Variants in ANKRD11 observed in about 807,000 individuals in gnomAD.
ANKRD11 encodes the protein ankyrin repeat domain-containing protein 11.
Under a neutral mutation model 195.7 loss-of-function variants are expected in ANKRD11, and 17 were observed. That is an observed-to-expected ratio of 0.09 (90% CI 0.06 to 0.13). The LOEUF (loss-of-function observed/expected upper bound fraction) is 0.13. Ranked by LOEUF, ANKRD11 falls within the 10% of genes least tolerant of loss-of-function variation. ANKRD11 has a pLI of 1.00. For synonymous variants in ANKRD11, 1,953 were observed against 1,528.1 expected (o/e 1.28, Z -6.49); for missense variants, 3,735 against 3,566.1 (o/e 1.05, Z -1.21).
At chr16:89,473,689 A>G (rs934079081) in intron 1 of ANKRD11, among the ~76,000 whole-genome samples, 12 of 152,172 alleles carry the variant, frequency 7.9e-5, no homozygotes, top group African/African-American at 2.9e-4. Flanking sequence ...AGAGACTGAC[A>G]TGTCAGTATC....
intron 2 of ANKRD11, among the ~76,000 whole-genome samples, chr16:89,345,743 ACACACCAGGTGCATGCTGTG>A (rs898893336): frequency 2.0e-5 from 3 of 152,160 alleles, no homozygotes; most frequent in Admixed American, 2.0e-4. Context: ...TTCAGAAAAT[ACACACCAGGTGCATGCTGTG>A]CACACCAGGT....
chr16:89,450,966 TA>T (rs2044043464), intron 1 of ANKRD11, among the ~76,000 whole-genome samples: 1 of 152,206 alleles, frequency 6.6e-6, no homozygotes, highest in South Asian at 2.1e-4. Context: ...AGTTATGGCC[TA>T]AATCAGAGGT....
intron 1 of ANKRD11, among the ~76,000 whole-genome samples, chr16:89,423,983 G>A (rs898949632): frequency 3.9e-5 from 6 of 152,066 alleles, no homozygotes; most frequent in Non-Finnish European, 7.4e-5. Flanking sequence ...AGGGGACGGC[G>A]TACAACGGGA....
intron 2 of ANKRD11, among the ~76,000 whole-genome samples, chr16:89,369,263 G>A (rs765664465): frequency 1.9e-4 from 29 of 152,376 alleles, no homozygotes; most frequent in Non-Finnish European, 4.0e-4. Context: ...ACCTAGGTAC[G>A]CCCGAGAAAT....
intron 2 of ANKRD11, among the ~76,000 whole-genome samples, chr16:89,355,073 T>C (rs991550658): frequency 2.0e-5 from 3 of 152,124 alleles, no homozygotes; most frequent in African/African-American, 7.2e-5. Context: ...TCTAAAAACA[T>C]CAGAAAAAGT....
In ANKRD11 at chr16:89,341,925, G is replaced by A. The variant is rs867193662; in HGVS notation, c.-59-24847C>T. Among the ~76,000 whole-genome samples, 263 of 144,844 alleles carry A rather than the reference G, an allele frequency of 1.8e-3. 1 individual carries two copies. The highest frequency in any genetic ancestry group is 6.8e-3 in the African/African-American group (245 of 35,794). ...ACCCACAGCGGCCACGGCCCACGGC[G>A]GGAGTGCTGCACCTCCTCCACGAAC... On this transcript the variant is annotated intron_variant, in intron 2 of 12. Coordinates refer to ENST00000301030, the MANE Select transcript of ANKRD11 (RefSeq NM_013275.6).
At position 89,282,061 on chromosome 16, in the gene ANKRD11, C is replaced by T. The variant is rs2034296338; in HGVS notation, c.4481G>A (p.Arg1494Gln). 4.3e-6 allele frequency: 7 copies of T among 1,612,118 alleles called. No homozygotes were observed. The highest frequency in any genetic ancestry group is 2.2e-5 in the East Asian group (1 of 44,864). Residue 1494 changes from arginine (R) to glutamine (Q), a missense_variant, in exon 9 of 13, where the codon CGG becomes CAG. Arg to Gln is a conservative substitution (Grantham distance 43). Transcript: ENST00000301030. The part of the protein sequence containing the change: ...LLRHHRDELL[R>Q]HHRDEQKPAT... ...GGGCTTCTGCTCGTCCCTGTGATGCCGCAGGAGCTCGTCCCTGTGATGCCG... is the reference window on the plus strand; with the variant it reads ...GGGCTTCTGCTCGTCCCTGTGATGCTGCAGGAGCTCGTCCCTGTGATGCCG...
chr16:89,489,522 C>G (rs1029607103), intron 1 of ANKRD11, among the ~76,000 whole-genome samples: 1 of 151,586 alleles, frequency 6.6e-6, no homozygotes, highest in Admixed American at 6.6e-5. Flanking sequence ...GTTCGCCCTC[C>G]CCCTCCGGCT....
chr16:89,317,884 C>T (rs1175486657), intron 2 of ANKRD11, among the ~76,000 whole-genome samples: 1 of 152,194 alleles, frequency 6.6e-6, no homozygotes, highest in East Asian at 1.9e-4. Context: ...CCCATGCAAC[C>T]CAATCACCTT....
chr16:89,479,448 C>T (rs552821054), intron 1 of ANKRD11, among the ~76,000 whole-genome samples: 2 of 150,828 alleles, frequency 1.3e-5, no homozygotes, highest in South Asian at 4.2e-4. Context: ...GCCTGACCAA[C>T]ACGGAGAAAC....
chr16:89,278,487 G>C (rs1375507315), intron 9 of ANKRD11: 1 of 455,318 alleles, frequency 2.2e-6, no homozygotes, highest in Non-Finnish European at 4.4e-6. Context: ...TTTCACCTGA[G>C]CCTGCAGAGG....
intron 1 of ANKRD11, 156 bp from the exon 2 acceptor site, chr16:89,418,524 C>T (rs2042389729): frequency 4.0e-6 from 1 of 252,720 alleles, no homozygotes; most frequent in Non-Finnish European, 8.2e-6. Context: ...GTGCCAAGGC[C>T]AAAACTTAAC....
Position 89,282,509 on chromosome 16 carries a change from T to C in ANKRD11, c.4033A>G (p.Lys1345Glu). 1 of 1,614,112 alleles carries C rather than the reference T, an allele frequency of 6.2e-7. No individual in the cohort carries two copies. The highest frequency in any genetic ancestry group is 8.5e-7 in the Non-Finnish European group (1 of 1,179,990). Residue 1345 changes from lysine to glutamate, a missense_variant, in exon 9 of 13, where the codon AAA becomes GAA. By Grantham distance (56) the Lys-to-Glu change is moderately conservative. Transcript: ENST00000301030. ...GAGTGTCTGTGCCTCTCCTTCTCTTTCAGCTTCTCAGGGAGGCAGGCGCTC... is the reference window on the plus strand; with the variant it reads ...GAGTGTCTGTGCCTCTCCTTCTCTTCCAGCTTCTCAGGGAGGCAGGCGCTC... ...RESACLPEKLKEKERHRHSSS... is the reference protein window; with the variant it reads ...RESACLPEKLEEKERHRHSSS...
intron 2 of ANKRD11, among the ~76,000 whole-genome samples, chr16:89,349,043 G>A (rs1047813596): frequency 3.7e-4 from 54 of 144,022 alleles, no homozygotes; most frequent in African/African-American, 1.3e-3. Flanking sequence ...CAGGATAATC[G>A]CTTGAACCTG....
chr16:89,411,921 G>C (rs78871497), intron 2 of ANKRD11, among the ~76,000 whole-genome samples: 2,585 of 77,816 alleles, frequency 0.033, no homozygotes, highest in Middle Eastern at 0.12. Context: ...AGGTACTGGG[G>C]TGAGATGCCT....
At chr16:89,470,573 C>T (rs551367406) in intron 1 of ANKRD11, among the ~76,000 whole-genome samples, 1 of 152,090 alleles carries the variant, frequency 6.6e-6, no homozygotes, top group African/African-American at 2.4e-5. Flanking sequence ...CAGCCAGGTG[C>T]GATGGCTCAC....
rs960872132 is a variant in ANKRD11, at chr16:89,490,520, T to C, written c.-420A>G. 4.0e-5 allele frequency: 19 copies of C among 471,718 alleles called. No homozygotes were observed. The highest frequency in any genetic ancestry group is 4.1e-5 in the African/African-American group (2 of 49,214). The allele number at this position is 471,718 out of a possible 1,614,324, so 29.2% of individuals were successfully genotyped here. ...GGCTCGGCGGCGGCGCCTCCCCGGC[T>C]GGGGCCCTCGGTCCATCGCGCACCG... is the stretch of plus-strand genomic sequence containing the variant. On this transcript the variant is annotated 5_prime_UTR_variant, in exon 1 of 13. Coordinates refer to ENST00000301030, the MANE Select transcript of ANKRD11 (RefSeq NM_013275.6).
At chr16:89,397,875 T>C (rs532352511) in intron 2 of ANKRD11, among the ~76,000 whole-genome samples, 1 of 152,328 alleles carries the variant, frequency 6.6e-6, no homozygotes, top group Admixed American at 6.5e-5. Flanking sequence ...ACCTTCGTCC[T>C]GGGCATGGGA....
chr16:89,305,871 ACCACCCACCTCCCACTCCGCAGACACGTG>A (rs2036187156), intron 3 of ANKRD11, among the ~76,000 whole-genome samples: 10 of 16,344 alleles, frequency 6.1e-4, no homozygotes, highest in East Asian at 3.5e-3. Flanking sequence ...GCAGACACGC[ACCACCCACCTCCCACTCCGCAGACACGTG>A]CCACCCACCT....
Sources: gnomAD v4.1 joint callset for allele counts (sites outside exome capture counted in the v4.1 genomes callset) on GRCh38, gnomAD v4.1.1 for gene constraint, MANE v1.5 for transcripts, NCBI Gene and HGNC (gene_info 2026-07-23, HGNC 2026-07-21) for gene names.